Variants in TIMP2 observed in about 807,000 individuals in gnomAD.
The protein encoded by TIMP2 is TIMP metallopeptidase inhibitor 2.
TIMP2 carries 5 observed loss-of-function variants against 24.3 expected under a neutral mutation model. The observed-to-expected ratio is 0.21, with a 90% CI of 0.11 to 0.43. The LOEUF (loss-of-function observed/expected upper bound fraction) is 0.43, where lower values mean the gene tolerates loss of function less well. Ranked by LOEUF, TIMP2 falls within the 20% of genes least tolerant of loss-of-function variation. The pLI, the probability that TIMP2 is intolerant of heterozygous loss-of-function variation, is 1.00. For missense variants in TIMP2, 221 were observed against 297.5 expected (o/e 0.74, Z 1.89); for synonymous variants, 130 against 123.2 (o/e 1.06, Z -0.37).
intron 1 of TIMP2, chr17:78,900,019 T>C (rs2070065656): frequency 6.6e-6 from 1 of 152,322 alleles, no homozygotes. Context: ...CTAAGGCGCC[T>C]ACGTAGAATA....
At chr17:78,913,328 C>T (rs1960448471) in intron 1 of TIMP2, among the ~76,000 whole-genome samples, 1 of 152,214 alleles carries the variant, frequency 6.6e-6, no homozygotes. Flanking sequence ...GAGATGATGG[C>T]TGTGCGGCTC....
rs1228941834 is a variant in TIMP2 at position 78,891,151 on chromosome 17, A to T, written c.131-17232T>A. 1 of 1,550,518 alleles carries T rather than the reference A, an allele frequency of 6.4e-7. No homozygotes were observed. Among genetic ancestry groups the T allele is most frequent in the Non-Finnish European group, 8.7e-7 (1 of 1,147,028 alleles). On this transcript the variant is annotated intron_variant, in intron 1 of 4. Coordinates refer to ENST00000262768, the MANE Select transcript of TIMP2 (RefSeq NM_003255.5). This position sits in a 1 kb window ranked among gnomAD's most constrained non-coding sequence, Gnocchi z 4.5. The stretch of plus-strand genomic sequence containing the variant: ...TGTTGATAAATATACCTGCCTCGGG[A>T]GACAATGTTTGACTTCCATTTCTAA...
At chr17:78,873,308 T>A (rs1389227217) in intron 2 of TIMP2, among the ~76,000 whole-genome samples, 4,507 of 97,906 alleles carry the variant, frequency 0.046, 93 homozygotes, top group East Asian at 0.048. Context: ...CACATATTTT[T>A]TTTTTTTTTT....
intron 1 of TIMP2, among the ~76,000 whole-genome samples, chr17:78,905,470 C>T (rs961286164): frequency 5.3e-5 from 8 of 152,336 alleles, no homozygotes; most frequent in African/African-American, 1.2e-4. Context: ...GCTTCTTCCT[C>T]GGAGAAGATC....
chr17:78,877,297 G>A (rs1387902387), intron 1 of TIMP2, among the ~76,000 whole-genome samples: 1 of 152,208 alleles, frequency 6.6e-6, no homozygotes, highest in East Asian at 1.9e-4. Flanking sequence ...AGCAAACCAG[G>A]GCCAGGCACG....
At chr17:78,909,099 G>C (rs2070185421) in intron 1 of TIMP2, among the ~76,000 whole-genome samples, 1 of 152,180 alleles carries the variant, frequency 6.6e-6, no homozygotes, top group South Asian at 2.1e-4. Context: ...TGAAATCTTA[G>C]CACTTTGGGA....
In TIMP2 at chr17:78,896,627, G is replaced by A. The variant is rs577451590; in HGVS notation, c.131-22708C>T. ...TACTCCCCTGCTGCCCTCTGGTCCT[G>A]CCACCCCGAGCTGACAAGCCTGCCT... On this transcript the variant is annotated intron_variant, in intron 1 of 4. Coordinates refer to ENST00000262768, the MANE Select transcript of TIMP2 (RefSeq NM_003255.5). The surrounding 1 kb of genome is among the most constrained non-coding windows in gnomAD (Gnocchi z 4.4). 6.6e-6 allele frequency among the ~76,000 whole-genome samples: 1 copy of A among 152,028 alleles called. No individual in the cohort carries two copies. Among genetic ancestry groups the A allele is most frequent in the Non-Finnish European group, 1.5e-5 (1 of 68,000 alleles).
chr17:78,880,487 G>A (rs2069769624), intron 1 of TIMP2, among the ~76,000 whole-genome samples: 2 of 152,040 alleles, frequency 1.3e-5, no homozygotes, highest in Admixed American at 1.3e-4. Context: ...AGGAGTTCAA[G>A]ACCAGCCTGA....
At chr17:78,863,127 C>G (rs958325521) in intron 3 of TIMP2, among the ~76,000 whole-genome samples, 4 of 152,256 alleles carry the variant, frequency 2.6e-5, no homozygotes, top group Non-Finnish European at 5.9e-5. Flanking sequence ...GAGAAATCTA[C>G]AAAGTGTGCC....
At chr17:78,900,257 T>G (rs1426524271) in intron 1 of TIMP2, 1 of 152,040 alleles carries the variant, frequency 6.6e-6, no homozygotes, top group Admixed American at 6.6e-5. Flanking sequence ...AAAATTGTGG[T>G]TTTTTTGGCC....
intron 1 of TIMP2, among the ~76,000 whole-genome samples, chr17:78,923,400 G>GGGC (rs2070323497): frequency 7.2e-6 from 1 of 138,830 alleles, no homozygotes; most frequent in African/African-American, 2.6e-5. Context: ...GCGGGGTGGG[G>GGGC]GGGGGGGCGG....
At position 78,854,712 on chromosome 17, in the gene TIMP2, G is replaced by C. The variant is rs1381009418; in HGVS notation, c.*955C>G. On this transcript the variant is annotated 3_prime_UTR_variant, in exon 5 of 5. Coordinates refer to ENST00000262768, the MANE Select transcript of TIMP2 (RefSeq NM_003255.5). ...CCAGCTTTTTCTGTCCTCAGGATGT[G>C]CAGATGGGGAGCCCAGCCGGGCCCT... is the stretch of plus-strand genomic sequence containing the variant. 6.6e-6 allele frequency: 1 copy of C among 152,220 alleles called. No individual in the cohort carries two copies. Among genetic ancestry groups the C allele is most frequent in the Non-Finnish European group, 1.5e-5 (1 of 68,114 alleles). 9.4% of individuals were successfully genotyped at this position (152,220 alleles called of 1,614,324 possible).
intron 1 of TIMP2, among the ~76,000 whole-genome samples, chr17:78,883,552 G>A (rs2069797305): frequency 6.6e-6 from 1 of 152,198 alleles, no homozygotes; most frequent in African/African-American, 2.4e-5. Flanking sequence ...CAGAAGCGCA[G>A]CCTCAGCCGG....
Position 78,855,698 on chromosome 17 carries a change from T to C in TIMP2, c.632A>G (p.Lys211Arg). Residue 211 changes from lysine (K) to arginine (R), a missense_variant, in exon 5 of 5, where the codon AAG becomes AGG. Transcript: ENST00000262768. The surrounding 1 kb of genome is among the most constrained non-coding windows in gnomAD (Gnocchi z 6.0). Reference protein sequence around the residue: ...CAWYRGAAPPKQEFLDIEDP With the variant: ...CAWYRGAAPPRQEFLDIEDP Reference sequence around the variant, plus strand: ...GTCCTCGATGTCGAGAAACTCCTGCTTGGGGGGCGCCGCGCCGCGGTACCA... The same window carrying C: ...GTCCTCGATGTCGAGAAACTCCTGCCTGGGGGGCGCCGCGCCGCGGTACCA... The C allele has an allele frequency of 6.2e-7, 1 of 1,614,014 alleles. No homozygotes were observed. Among genetic ancestry groups the C allele is most frequent in the East Asian group, 2.2e-5 (1 of 44,870 alleles).
intron 3 of TIMP2, among the ~76,000 whole-genome samples, chr17:78,867,864 G>C (rs1371853966): frequency 1.3e-5 from 2 of 152,098 alleles, no homozygotes; most frequent in Non-Finnish European, 2.9e-5. Flanking sequence ...CTCCCAAAGT[G>C]CTAGGATTAC....
At chr17:78,865,891 C>T (rs1468623490) in intron 3 of TIMP2, among the ~76,000 whole-genome samples, 1 of 152,156 alleles carries the variant, frequency 6.6e-6, no homozygotes, top group African/African-American at 2.4e-5. Flanking sequence ...CACTTTTGCA[C>T]CCAAGAGTCC....
Position 78,925,114 on chromosome 17 carries a change from G to C in TIMP2, c.-26C>G. Reference sequence around the variant, plus strand: ...GGCGGGCCGGGGGGCTGGGCGGGCGGGGGCCGCCGCTGGGGGGTCCGGGCG... The same window carrying C: ...GGCGGGCCGGGGGGCTGGGCGGGCGCGGGCCGCCGCTGGGGGGTCCGGGCG... On this transcript the variant is annotated 5_prime_UTR_variant, in exon 1 of 5. Transcript: ENST00000262768. 1.2e-6 allele frequency: 1 copy of C among 833,898 alleles called. No homozygotes were observed. Among genetic ancestry groups the C allele is most frequent in the Non-Finnish European group, 1.4e-6 (1 of 694,490 alleles). The allele number at this position is 833,898 out of a possible 1,614,324, so 51.7% of individuals were successfully genotyped here.
Position 78,892,709 on chromosome 17 carries a change from C to CG in TIMP2, c.131-18791_131-18790insC, listed in dbSNP as rs2069920450. Among the ~76,000 whole-genome samples, 7 of 152,318 alleles carry CG rather than the reference C, an allele frequency of 4.6e-5. 1 individual carries two copies. The South Asian group carries it at 1.5e-3, about 32-fold the overall frequency. On this transcript the variant is annotated intron_variant, in intron 1 of 4. Transcript: ENST00000262768. ...GGTGTTGTTTCCCAGGGGACATTGG[C>CG]AATGTCTGGAAACATTTTCTATTGT...
In TIMP2 at chr17:78,857,241, G is replaced by A. The variant is rs376136607; in HGVS notation, c.465+281C>T. 117 of 370,794 alleles carry A rather than the reference G, an allele frequency of 3.2e-4. No individual in the cohort carries two copies. In the East Asian group the frequency reaches 5.3e-3, roughly 17 times the overall value. 23.0% of individuals were successfully genotyped at this position (370,794 alleles called of 1,614,324 possible). ...GACCTCAAGTGACCCACCTATCTCG[G>A]CCTCCCAAAGTGCCGGGATTACAGG... On this transcript the variant is annotated intron_variant, in intron 4 of 4. Coordinates refer to ENST00000262768, the MANE Select transcript of TIMP2 (RefSeq NM_003255.5).
Sources: gnomAD v4.1 joint callset for allele counts (sites outside exome capture counted in the v4.1 genomes callset) on GRCh38, gnomAD v4.1.1 for gene constraint, Gnocchi (gnomAD v3.1) non-coding constraint, MANE v1.5 for transcripts, NCBI Gene and HGNC (gene_info 2026-07-23, HGNC 2026-07-21) for gene names.